The following TTC3 variants were observed in gnomAD, a reference collection of about 807,000 sequenced individuals.
The protein encoded by TTC3 is E3 ubiquitin-protein ligase TTC3.
TTC3 carries 180 observed loss-of-function variants against 249.6 expected under a neutral mutation model. The ratio of observed to expected loss-of-function variants is 0.72; its 90% CI spans 0.64 to 0.82. TTC3 has a LOEUF of 0.82. TTC3 is among the 40% of genes least tolerant of loss of function. TTC3 has a pLI of 0.00. For synonymous variants in TTC3, 717 were observed against 805.0 expected (o/e 0.89, Z 1.85); for missense variants, 2,061 against 2,398.4 (o/e 0.86, Z 2.94).
intron 11 of TTC3, among the ~76,000 whole-genome samples, chr21:37,121,601 A>G (rs1398727998): frequency 3.3e-5 from 5 of 152,134 alleles, no homozygotes; most frequent in African/African-American, 1.2e-4. Flanking sequence ...ATCCTTAGTT[A>G]TTGTGATTAT....
At chr21:37,144,733 G>C in intron 21 of TTC3, 88 bp downstream of exon 21, 1 of 1,482,112 alleles carries the variant, frequency 6.7e-7, no homozygotes, top group East Asian at 2.4e-5. Context: ...AGAGGTAGGA[G>C]CATTCCATCC....
At chr21:37,195,978 A>G in exon 42 of TTC3, 1 of 1,614,220 alleles carries the variant, frequency 6.2e-7, no homozygotes, top group African/African-American at 1.3e-5. Context: ...CCAGTCTCCA[A>G]AAAAGCCGTT....
At chr21:37,154,272 C>G (rs1265625994) in intron 27 of TTC3, among the ~76,000 whole-genome samples, 1 of 152,216 alleles carries the variant, frequency 6.6e-6, no homozygotes, top group African/African-American at 2.4e-5. Flanking sequence ...CCTCTGCCAG[C>G]CGTCCCCACC....
At chr21:37,090,069 T>C (rs2073050756) in intron 5 of TTC3, among the ~76,000 whole-genome samples, 164 bp from the exon 6 acceptor site, 1 of 152,188 alleles carries the variant, frequency 6.6e-6, no homozygotes, top group South Asian at 2.1e-4. Flanking sequence ...TTGGAATTCT[T>C]GTCTTAAGAT....
chr21:37,187,084 A>G (rs2083386973), exon 38 of TTC3: 2 of 1,563,938 alleles, frequency 1.3e-6, no homozygotes, highest in African/African-American at 1.4e-5. Flanking sequence ...AAAATAGAAG[A>G]GTATATAAAG....
At chr21:37,181,259 A>G (rs2148147938) in intron 35 of TTC3, among the ~76,000 whole-genome samples, 1 of 152,320 alleles carries the variant, frequency 6.6e-6, no homozygotes, top group East Asian at 1.9e-4. Flanking sequence ...GAACTCCCTT[A>G]GGTACTTGTT....
rs2080165111 is a variant in TTC3, at chr21:37,157,024, A to G, written c.2992+118A>G. ...AAATAGTGAAAATTATTATGGTACAATCAGTTTATGTGGGGAAGTTAGTGA... is the reference window on the plus strand; with the variant it reads ...AAATAGTGAAAATTATTATGGTACAGTCAGTTTATGTGGGGAAGTTAGTGA... On this transcript the variant is annotated intron_variant, in intron 28 of 45. Transcript: ENST00000355666. 35 of 1,406,698 alleles carry G rather than the reference A, an allele frequency of 2.5e-5. No individual in the cohort carries two copies. In the South Asian group the frequency reaches 3.2e-4, roughly 13 times the overall value. 87.1% of individuals were successfully genotyped at this position (1,406,698 alleles called of 1,614,324 possible).
chr21:37,201,221 A>G (rs2085464565), intron 45 of TTC3, among the ~76,000 whole-genome samples: 1 of 152,200 alleles, frequency 6.6e-6, no homozygotes, highest in South Asian at 2.1e-4. Flanking sequence ...GGAGGCCCAG[A>G]GCGCTCAGGA....
intron 11 of TTC3, among the ~76,000 whole-genome samples, chr21:37,113,831 A>G (rs1311733814): frequency 6.6e-6 from 1 of 152,240 alleles, no homozygotes; most frequent in African/African-American, 2.4e-5. Flanking sequence ...TACTGGTACC[A>G]AAACAAAGAT....
chr21:37,123,193 CT>C (rs1222362845), intron 13 of TTC3, among the ~76,000 whole-genome samples, 165 bp downstream of exon 13: 6 of 152,154 alleles, frequency 3.9e-5, no homozygotes, highest in Non-Finnish European at 5.9e-5. Flanking sequence ...ATCAGGTGAC[CT>C]GTAAGTTGTC....
chr21:37,122,419 AATAT>A (rs980094706), intron 12 of TTC3, among the ~76,000 whole-genome samples: 5 of 37,992 alleles, frequency 1.3e-4, no homozygotes, highest in Admixed American at 6.7e-4. Context: ...ATATATATAT[AATAT>A]ATATATATAT....
chr21:37,197,275 CTCT>C (rs1352747695), intron 42 of TTC3, among the ~76,000 whole-genome samples: 2 of 151,800 alleles, frequency 1.3e-5, no homozygotes, highest in South Asian at 2.1e-4. Context: ...GAAACCCCAT[CTCT>C]TCTTAAAAAA....
chr21:37,098,007 C>T (rs558522910), intron 10 of TTC3: 11 of 702,478 alleles, frequency 1.6e-5, no homozygotes, highest in African/African-American at 3.5e-5. Context: ...TGGAGAATAC[C>T]GCTGTATTAA....
chr21:37,185,841 T>G (rs375575780), intron 37 of TTC3, 67 bp downstream of exon 37: 4 of 886,744 alleles, frequency 4.5e-6, no homozygotes, highest in South Asian at 2.8e-5. Context: ...ACAAGCACAG[T>G]AGACTTTGAA....
At chr21:37,143,174 A>G (rs947218957) in intron 20 of TTC3, among the ~76,000 whole-genome samples, 1 of 152,366 alleles carries the variant, frequency 6.6e-6, no homozygotes, top group African/African-American at 2.4e-5. Context: ...ACCATTCAGG[A>G]CATAGGCATG....
At chr21:37,191,751 T>G (rs554433377) in intron 40 of TTC3, among the ~76,000 whole-genome samples, 4 of 152,066 alleles carry the variant, frequency 2.6e-5, no homozygotes, top group African/African-American at 9.7e-5. Context: ...GCTAATTTTG[T>G]TTTTGGTTTT....
intron 21 of TTC3, 151 bp downstream of exon 21, chr21:37,144,796 T>A: frequency 9.8e-7 from 1 of 1,023,236 alleles, no homozygotes; most frequent in Non-Finnish European, 1.4e-6. Flanking sequence ...ATCTCTGACA[T>A]TTATTGAATG....
In TTC3 at chr21:37,189,531, A is replaced by C. The variant is rs527524604; in HGVS notation, c.5024+936A>C. Among the ~76,000 whole-genome samples, 90 of 146,932 alleles carry C rather than the reference A, an allele frequency of 6.1e-4. No homozygotes were observed. The Middle Eastern group carries it at 0.012, about 19-fold the overall frequency. ...AGTGCTGGGATTACAGGCATGAGCC[A>C]CCGTACCTGGCCTTGTTCTTGTTTG... On this transcript the variant is annotated intron_variant, in intron 39 of 45. Transcript: ENST00000355666.
chr21:37,149,499 A>G (rs1350579509), intron 23 of TTC3, among the ~76,000 whole-genome samples: 1 of 152,124 alleles, frequency 6.6e-6, no homozygotes, highest in Non-Finnish European at 1.5e-5. Flanking sequence ...CTAGTGATAT[A>G]CCCTCTTTTA....
Sources: gnomAD v4.1 joint callset for allele counts (sites outside exome capture counted in the v4.1 genomes callset) on GRCh38, gnomAD v4.1.1 for gene constraint, MANE v1.5 for transcripts, NCBI Gene and HGNC (gene_info 2026-07-23, HGNC 2026-07-21) for gene names.